UGT1A5: variants seen among roughly 807,000 people sequenced by gnomAD.
UGT1A5 encodes the protein UDP-glucuronosyltransferase 1A5.
Under a neutral mutation model 40.3 loss-of-function variants are expected in UGT1A5, and 29 were observed. The ratio of observed to expected loss-of-function variants is 0.72; its 90% CI spans 0.54 to 0.98. The LOEUF is 0.98. Ranked by LOEUF, UGT1A5 falls within the 50% of genes least tolerant of loss-of-function variation. The pLI, the probability that UGT1A5 is intolerant of heterozygous loss-of-function variation, is 0.00. For synonymous variants in UGT1A5, 257 were observed against 262.5 expected (o/e 0.98, Z 0.20); for missense variants, 678 against 677.9 (o/e 1.00, Z 0.00).
At chr2:233,763,140 C>T (rs1698247941) in intron 1 of UGT1A5, among the ~76,000 whole-genome samples, 1 of 152,192 alleles carries the variant, frequency 6.6e-6, no homozygotes, top group African/African-American at 2.4e-5. Context: ...ATTGATATAA[C>T]CATAAAAGTC....
At chr2:233,729,373 T>C (rs1160959644) in intron 1 of UGT1A5, 16 of 1,613,988 alleles carry the variant, frequency 9.9e-6, no homozygotes, top group Non-Finnish European at 1.3e-5. Context: ...CTATGCCATT[T>C]CGTGGACCCA....
intron 1 of UGT1A5, among the ~76,000 whole-genome samples, chr2:233,757,321 C>G (rs1250382430): frequency 6.6e-6 from 1 of 150,460 alleles, no homozygotes; most frequent in Non-Finnish European, 1.5e-5. Context: ...GGCTGGGGCC[C>G]TGAAATGGGA....
chr2:233,729,159 G>A (rs781569400), intron 1 of UGT1A5: 4 of 1,613,520 alleles, frequency 2.5e-6, no homozygotes, highest in Non-Finnish European at 3.4e-6. Context: ...CCCTGCCGTG[G>A]CTGGCCACAG....
chr2:233,760,282 G>A (rs2125981806), intron 1 of UGT1A5: 1 of 1,612,868 alleles, frequency 6.2e-7, no homozygotes, highest in Non-Finnish European at 8.5e-7. Flanking sequence ...CAGGAGCAAA[G>A]GCGCCATGGC....
At chr2:233,767,781 T>A in intron 2 of UGT1A5, 68 bp from the exon 3 acceptor site, 1 of 1,613,388 alleles carries the variant, frequency 6.2e-7, no homozygotes, top group South Asian at 1.1e-5. Flanking sequence ...TTCTAGTTAG[T>A]ATAGCAGATT....
chr2:233,719,808 A>G (rs2125672153), intron 1 of UGT1A5: 1 of 1,592,844 alleles, frequency 6.3e-7, no homozygotes, highest in Non-Finnish European at 8.5e-7. Context: ...TGGCTTCTTT[A>G]TAACAGATAA....
At chr2:233,760,864 G>C in intron 1 of UGT1A5, 1 of 1,613,978 alleles carries the variant, frequency 6.2e-7, no homozygotes, top group Non-Finnish European at 8.5e-7. Flanking sequence ...ATTCTCCTAC[G>C]TGCCCAGGCC....
In UGT1A5 at chr2:233,768,427, T is replaced by A; in HGVS notation, c.1295T>A (p.Ile432Asn). ...TTAGAAAATGCTCTAAAAGCAGTCA[T>A]CAATGACAAAAGGTAAGAAAGAAGA... is the stretch of plus-strand genomic sequence containing the variant. ...EDLENALKAV[I>N]NDKSYKENIM... Residue 432 changes from isoleucine (I) to asparagine (N), a missense_variant, in exon 4 of 5, where the codon ATC becomes AAC. Transcript: ENST00000373414. 1 of 1,614,006 alleles carries A rather than the reference T, an allele frequency of 6.2e-7. No individual in the cohort carries two copies. The highest frequency in any genetic ancestry group is 8.5e-7 in the Non-Finnish European group (1 of 1,179,966).
At chr2:233,736,066 G>C (rs879273661) in intron 1 of UGT1A5, among the ~76,000 whole-genome samples, 5 of 152,156 alleles carry the variant, frequency 3.3e-5, no homozygotes, top group Non-Finnish European at 7.3e-5. Flanking sequence ...TGCCTTGCTA[G>C]GTTTGGGAAG....
intron 1 of UGT1A5, among the ~76,000 whole-genome samples, chr2:233,727,070 C>G (rs1272254879): frequency 6.6e-6 from 1 of 152,126 alleles, no homozygotes; most frequent in Non-Finnish European, 1.5e-5. Context: ...TTTCTGTGTT[C>G]TCTTACAAAC....
At chr2:233,718,140 TC>T (rs2125658372) in intron 1 of UGT1A5, 1 of 233,266 alleles carries the variant, frequency 4.3e-6, no homozygotes, top group African/African-American at 2.2e-5. Context: ...TGGAGAATCC[TC>T]AATAAAGCCT....
chr2:233,736,288 C>T (rs896728048), intron 1 of UGT1A5, among the ~76,000 whole-genome samples: 17 of 152,156 alleles, frequency 1.1e-4, no homozygotes, highest in African/African-American at 3.9e-4. Context: ...ACCCTTTCTT[C>T]CAGTTGCTCT....
chr2:233,713,263 G>T lies in UGT1A5; in HGVS notation c.272G>T (p.Arg91Leu). The T allele has an allele frequency of 6.2e-7, 1 of 1,614,196 alleles. No individual in the cohort carries two copies. Among genetic ancestry groups the T allele is most frequent in the Non-Finnish European group, 8.5e-7 (1 of 1,180,028 alleles). Residue 91 changes from arginine (R) to leucine (L), a missense_variant, in exon 1 of 5, where the codon CGC becomes CTC. Coordinates refer to ENST00000373414, the MANE Select transcript of UGT1A5 (RefSeq NM_019078.2). ...AISWTQDEFDRLLLGHTQSFF... is the reference protein window; with the variant it reads ...AISWTQDEFDLLLLGHTQSFF... ...TCATGGACCCAGGACGAATTTGATCGCCTTTTGCTGGGTCACACTCAATCG... is the reference window on the plus strand; with the variant it reads ...TCATGGACCCAGGACGAATTTGATCTCCTTTTGCTGGGTCACACTCAATCG...
rs780660931 is a variant in UGT1A5, at chr2:233,767,955, A to C, written c.1087+19A>C. 173 of 1,614,006 alleles carry C rather than the reference A, an allele frequency of 1.1e-4. 2 individuals carry two copies. In the South Asian group the frequency reaches 1.6e-3, roughly 15 times the overall value. ...CTGCTTGGTATGTTGGGCGGATTGG[A>C]TGTATAGGTCAAACCAGGGTCAAAT... On this transcript the variant is annotated intron_variant, in intron 3 of 4. Coordinates refer to ENST00000373414, the MANE Select transcript of UGT1A5 (RefSeq NM_019078.2).
intron 1 of UGT1A5, among the ~76,000 whole-genome samples, chr2:233,751,474 G>T (rs1469099593): frequency 6.6e-6 from 1 of 152,210 alleles, no homozygotes; most frequent in South Asian, 2.1e-4. Context: ...GATTGGTTTT[G>T]AAATGTGAAA....
intron 1 of UGT1A5, among the ~76,000 whole-genome samples, chr2:233,733,368 G>A (rs1157903403): frequency 6.6e-6 from 1 of 152,148 alleles, no homozygotes; most frequent in African/African-American, 2.4e-5. Context: ...GGTGAGAGAG[G>A]TCATCCTTGT....
intron 1 of UGT1A5, among the ~76,000 whole-genome samples, chr2:233,745,098 AT>A (rs960304427): frequency 6.6e-6 from 1 of 151,758 alleles, no homozygotes; most frequent in African/African-American, 2.4e-5. Flanking sequence ...CCCCCCAAAT[AT>A]TTTTAATCTG....
rs1369238146 is a variant in UGT1A5, at chr2:233,713,189, T to C, written c.198T>C (p.Asn66=). 3 of 1,614,214 alleles carry C rather than the reference T, an allele frequency of 1.9e-6. No individual in the cohort carries two copies. The East Asian group carries it at 6.7e-5, about 36-fold the overall frequency. The change falls in exon 1 of 5, where the codon AAT becomes AAC. Residue 66 remains asparagine, a synonymous_variant. Coordinates refer to ENST00000373414, the MANE Select transcript of UGT1A5 (RefSeq NM_019078.2). ...HQVVVLTLEV[N]MYIKEENFFT... ...TGGTGGTCCTCACCCTGGAGGTGAA[T>C]ATGTACATCAAAGAAGAGAACTTTT...
chr2:233,719,788 G>A, intron 1 of UGT1A5: 1 of 1,609,458 alleles, frequency 6.2e-7, no homozygotes, highest in Non-Finnish European at 8.5e-7. Flanking sequence ...TCTTTCCAAA[G>A]ATTTTATTTT....
Sources: allele counts gnomAD v4.1 joint callset (sites outside exome capture counted in the v4.1 genomes callset), GRCh38; gene constraint gnomAD v4.1.1; transcripts MANE v1.5; gene names NCBI Gene and HGNC (gene_info 2026-07-23, HGNC 2026-07-21).